The following CALN1 variants were observed in gnomAD, a reference collection of about 807,000 sequenced individuals.
The protein encoded by CALN1 is calneuron 1.
A neutral mutation model predicts 30.6 loss-of-function variants in CALN1; 17 were observed. The ratio of observed to expected loss-of-function variants is 0.56; its 90% CI spans 0.38 to 0.83. The LOEUF is 0.83. Among genes scored for constraint, CALN1 ranks in the 40% least tolerant of loss-of-function variants. The pLI is 0.00. For missense variants in CALN1, 291 were observed against 354.9 expected (o/e 0.82, Z 1.45); for synonymous variants, 156 against 131.4 (o/e 1.19, Z -1.28).
chr7:71,861,865 C>T (rs1791306223), intron 5 of CALN1, among the ~76,000 whole-genome samples: 1 of 151,520 alleles, frequency 6.6e-6, no homozygotes, highest in Non-Finnish European at 1.5e-5. Flanking sequence ...TTACTTTAGC[C>T]TGGTGTAGAC....
chr7:71,939,350 G>A (rs1425286369), intron 5 of CALN1, among the ~76,000 whole-genome samples: 3 of 148,904 alleles, frequency 2.0e-5, no homozygotes, highest in Admixed American at 6.8e-5. Flanking sequence ...TTGATACTAG[G>A]AGTTCCAGAC....
At chr7:72,133,900 A>T (rs1001527580) in intron 3 of CALN1, among the ~76,000 whole-genome samples, 4 of 152,268 alleles carry the variant, frequency 2.6e-5, no homozygotes, top group Non-Finnish European at 5.9e-5. Context: ...ACCTTAAAAA[A>T]TATCCAAGTG....
At chr7:72,352,388 C>CAAAAAAA (rs59245091) in intron 2 of CALN1, among the ~76,000 whole-genome samples, 29 of 82,026 alleles carry the variant, frequency 3.5e-4, no homozygotes, top group African/African-American at 1.1e-3. Flanking sequence ...GACTCTGTCT[C>CAAAAAAA]AAAAAAAAAA....
intron 3 of CALN1, among the ~76,000 whole-genome samples, chr7:72,141,292 A>T (rs185258855): frequency 1.3e-5 from 2 of 151,144 alleles, no homozygotes; most frequent in Admixed American, 1.3e-4. Flanking sequence ...ATCCTGTCTT[A>T]AAAAAAGAAA....
chr7:72,402,474 G>A (rs1562950591), intron 2 of CALN1, among the ~76,000 whole-genome samples: 1 of 152,182 alleles, frequency 6.6e-6, no homozygotes, highest in Non-Finnish European at 1.5e-5. Context: ...AACAGCCTTA[G>A]GGAGACAATT....
chr7:72,005,277 T>C (rs1799710494), intron 5 of CALN1, among the ~76,000 whole-genome samples: 1 of 152,204 alleles, frequency 6.6e-6, no homozygotes, highest in Non-Finnish European at 1.5e-5. Flanking sequence ...ATAAGTTTCA[T>C]ACCATGAAAC....
chr7:72,356,129 T>A (rs912560861), intron 2 of CALN1, among the ~76,000 whole-genome samples: 1 of 152,118 alleles, frequency 6.6e-6, no homozygotes, highest in Non-Finnish European at 1.5e-5. Context: ...TCATTTAAAA[T>A]GATAATTTAA....
intron 2 of CALN1, among the ~76,000 whole-genome samples, chr7:72,374,427 G>A (rs539291874): frequency 2.0e-5 from 3 of 151,574 alleles, no homozygotes; most frequent in Admixed American, 6.6e-5. Flanking sequence ...TATTCAGGAG[G>A]CTGAGGAAGG....
chr7:72,023,694 C>T lies in CALN1; in HGVS notation c.464G>A (p.Gly155Asp), dbSNP rs373807960. Reference sequence around the variant, plus strand: ...GCTGTCTATCGTGTTCCCAAGAAAACCATCGCGACCTTCTGAAGACACCAG... The same window carrying T: ...GCTGTCTATCGTGTTCCCAAGAAAATCATCGCGACCTTCTGAAGACACCAG... ...PKLVSSEGRD[G>D]FLGNTIDSIF... is the part of the protein sequence containing the mutation. The change falls in exon 5 of 7, where the codon GGT becomes GAT. Residue 155 changes from glycine (G) to aspartate (D), a missense_variant. Gly to Asp is a moderately conservative substitution (Grantham distance 94, BLOSUM62 -1). This residue lies in a region of CALN1 where 169 missense variants were observed against 251.7 expected (regional missense o/e 0.67). Coordinates refer to ENST00000395275, the MANE Select transcript of CALN1 (RefSeq NM_031468.4). The T allele has an allele frequency of 5.6e-6, 9 of 1,613,890 alleles. No individual in the cohort carries two copies. The African/African-American group carries it at 1.2e-4, about 22-fold the overall frequency.
intron 4 of CALN1, among the ~76,000 whole-genome samples, chr7:72,058,308 A>ATATTTTTTTTT (rs1563019395): frequency 1.1e-5 from 1 of 92,144 alleles, no homozygotes; most frequent in Non-Finnish European, 2.4e-5. Context: ...ACAAGCTGGA[A>ATATTTTTTTTT]TCTTTTTTTT....
chr7:72,188,886 C>T (rs369070380), intron 3 of CALN1, among the ~76,000 whole-genome samples: 117 of 152,072 alleles, frequency 7.7e-4, no homozygotes, highest in Middle Eastern at 3.4e-3. Flanking sequence ...GCCAGGTACC[C>T]GAGAGGTATC....
intron 3 of CALN1, among the ~76,000 whole-genome samples, chr7:72,261,276 C>G (rs1423983810): frequency 6.6e-6 from 1 of 152,070 alleles, no homozygotes; most frequent in East Asian, 1.9e-4. Context: ...CCACTGCATT[C>G]CAGCCTGGGT....
At chr7:72,387,187 A>C (rs982622880) in intron 2 of CALN1, among the ~76,000 whole-genome samples, 102 of 133,674 alleles carry the variant, frequency 7.6e-4, no homozygotes, top group Non-Finnish European at 9.3e-4. Context: ...GATCAAACTA[A>C]GGAAGGGAGG....
At chr7:72,364,640 T>G (rs1294346218) in intron 2 of CALN1, among the ~76,000 whole-genome samples, 3 of 152,088 alleles carry the variant, frequency 2.0e-5, no homozygotes, top group Non-Finnish European at 4.4e-5. Context: ...CAAACATAGA[T>G]CCTCAGGAAT....
chr7:72,300,511 C>T (rs188113207), intron 2 of CALN1, among the ~76,000 whole-genome samples: 3 of 152,046 alleles, frequency 2.0e-5, no homozygotes, highest in South Asian at 2.1e-4. Context: ...GGATCAAAGA[C>T]GCTCACTAAA....
At chr7:72,155,818 G>A (rs1053168286) in intron 3 of CALN1, among the ~76,000 whole-genome samples, 6 of 152,230 alleles carry the variant, frequency 3.9e-5, no homozygotes, top group Admixed American at 2.0e-4. Flanking sequence ...GGTGGTAGCT[G>A]GGATGGTTCC....
intron 3 of CALN1, among the ~76,000 whole-genome samples, chr7:72,277,672 C>G (rs1797424421): frequency 6.6e-6 from 1 of 152,146 alleles, no homozygotes; most frequent in Admixed American, 6.5e-5. Context: ...TCCTCTTCAC[C>G]TCCCTCACTT....
chr7:72,321,337 T>A (rs73129597), intron 2 of CALN1, among the ~76,000 whole-genome samples: 1 of 152,144 alleles, frequency 6.6e-6, no homozygotes, highest in South Asian at 2.1e-4. Context: ...GAAATACAAC[T>A]TATTAGTCAT....
intron 3 of CALN1, among the ~76,000 whole-genome samples, chr7:72,148,283 G>T (rs1352038825): frequency 2.2e-5 from 3 of 138,946 alleles, no homozygotes; most frequent in Admixed American, 1.5e-4. Context: ...AAAAAAAAAA[G>T]TCTGGGCCAG....
Sources: allele counts gnomAD v4.1 joint callset (sites outside exome capture counted in the v4.1 genomes callset), GRCh38; gene constraint gnomAD v4.1.1; regional missense constraint gnomAD v4.1.1; transcripts MANE v1.5; gene names NCBI Gene and HGNC (gene_info 2026-07-23, HGNC 2026-07-21).